The following DCDC1 variants were observed in gnomAD, a reference collection of about 807,000 sequenced individuals.
The protein encoded by DCDC1 is doublecortin domain-containing protein 1.
Under a neutral mutation model 178.3 loss-of-function variants are expected in DCDC1, and 200 were observed. That is an observed-to-expected ratio of 1.12 (90% confidence interval 1.00 to 1.26). DCDC1 has a LOEUF of 1.26. Ranked by LOEUF, DCDC1 falls within the 50% of genes most tolerant of loss-of-function variation. DCDC1 has a pLI of 0.00. For synonymous variants in DCDC1, 690 were observed against 604.8 expected, an observed-to-expected ratio of 1.14 and a Z score of -2.07; for missense variants, 1,983 against 1,749.2, an observed-to-expected ratio of 1.13 and a Z score of -2.38.
At chr11:31,304,018 T>C (rs1009194354) in intron 6 of DCDC1, among the ~76,000 whole-genome samples, 1 of 152,136 alleles carries the variant, frequency 6.6e-6, no homozygotes, top group Non-Finnish European at 1.5e-5. Flanking sequence ...CATGTCACAG[T>C]GAAACACAGC....
intron 20 of DCDC1, among the ~76,000 whole-genome samples, chr11:31,027,403 C>T (rs1044219611): frequency 6.6e-6 from 1 of 151,748 alleles, no homozygotes; most frequent in Non-Finnish European, 1.5e-5. Context: ...TTTTCTAAGT[C>T]GGCAGATAGT....
chr11:31,313,625 CA>C (rs1344124468), intron 3 of DCDC1, among the ~76,000 whole-genome samples: 2 of 152,148 alleles, frequency 1.3e-5, no homozygotes, highest in African/African-American at 4.8e-5. Context: ...TTCTAAAATT[CA>C]GTAAGTTGTA....
At chr11:30,902,912 C>T (rs746645769) in intron 32 of DCDC1, among the ~76,000 whole-genome samples, 1 of 152,164 alleles carries the variant, frequency 6.6e-6, no homozygotes, top group Non-Finnish European at 1.5e-5. Flanking sequence ...ATAAGACACA[C>T]AGCTATAAAC....
intron 27 of DCDC1, among the ~76,000 whole-genome samples, chr11:30,914,816 A>G (rs546869962): frequency 6.6e-6 from 1 of 152,292 alleles, no homozygotes; most frequent in East Asian, 1.9e-4. Context: ...TGTAAATACT[A>G]CAATGTTTCC....
rs1000031333 is a variant in DCDC1, at chr11:31,041,143, T to A, written c.2591+23326A>T. ...TGTGTTGTGCACTGTTCCATGCTCT[T>A]AGGGACAGGAGTGAAAGATCTGGGA... is the stretch of plus-strand genomic sequence containing the variant. On this transcript the variant is annotated intron_variant, in intron 20 of 38. Coordinates refer to ENST00000684477, the MANE Select transcript of DCDC1 (RefSeq NM_001387274.1). Among the ~76,000 whole-genome samples the A allele has an allele frequency of 2.6e-5, 4 of 152,198 alleles. No individual in the cohort carries two copies. In the East Asian group the frequency reaches 7.7e-4, roughly 29 times the overall value.
chr11:31,296,855 G>GA (rs1401998312), intron 6 of DCDC1, among the ~76,000 whole-genome samples: 1 of 151,596 alleles, frequency 6.6e-6, no homozygotes, highest in Non-Finnish European at 1.5e-5. Flanking sequence ...AACAGCATGG[G>GA]GGGGACCACC....
intron 11 of DCDC1, among the ~76,000 whole-genome samples, chr11:31,114,584 G>C (rs750421911): frequency 3.4e-4 from 52 of 152,130 alleles, no homozygotes; most frequent in Non-Finnish European, 6.0e-4. Context: ...CAGACAACAG[G>C]GAGAAGAGTA....
At chr11:31,159,609 A>C (rs1966106535) in intron 9 of DCDC1, among the ~76,000 whole-genome samples, 1 of 152,252 alleles carries the variant, frequency 6.6e-6, no homozygotes, top group African/African-American at 2.4e-5. Context: ...TGCAGGCAGT[A>C]AGTGTGAGCC....
chr11:31,111,811 T>G (rs1959180886), intron 11 of DCDC1, among the ~76,000 whole-genome samples: 1 of 152,172 alleles, frequency 6.6e-6, no homozygotes. Flanking sequence ...GAGAACTTAT[T>G]GATGTTCCTT....
At chr11:31,262,051 A>G (rs1944825752) in intron 8 of DCDC1, among the ~76,000 whole-genome samples, 1 of 152,054 alleles carries the variant, frequency 6.6e-6, no homozygotes, top group Non-Finnish European at 1.5e-5. Context: ...GATTGCTTGA[A>G]CACAGAAGTT....
intron 1 of DCDC1, among the ~76,000 whole-genome samples, chr11:31,352,941 T>A (rs1166526759): frequency 2.0e-5 from 3 of 152,238 alleles, no homozygotes; most frequent in Admixed American, 6.5e-5. Context: ...GACTATTTTA[T>A]TGACATTGTG....
At chr11:30,874,361 C>G (rs1941924136) in intron 38 of DCDC1, among the ~76,000 whole-genome samples, 1 of 152,164 alleles carries the variant, frequency 6.6e-6, no homozygotes, top group Admixed American at 6.6e-5. Flanking sequence ...TGTGCACACT[C>G]AAATTTGAGA....
At chr11:31,274,301 T>G (rs973687345) in intron 7 of DCDC1, among the ~76,000 whole-genome samples, 1 of 152,152 alleles carries the variant, frequency 6.6e-6, no homozygotes, top group Non-Finnish European at 1.5e-5. Context: ...ATTCATCAAT[T>G]CAAAATATTA....
intron 38 of DCDC1, among the ~76,000 whole-genome samples, chr11:30,872,633 C>G (rs542468138): frequency 6.6e-6 from 1 of 152,232 alleles, no homozygotes; most frequent in East Asian, 1.9e-4. Flanking sequence ...TCACCTCTGC[C>G]TGGTACTCCG....
chr11:31,145,970 A>G (rs188102419), intron 9 of DCDC1, among the ~76,000 whole-genome samples: 3 of 152,264 alleles, frequency 2.0e-5, no homozygotes, highest in Admixed American at 6.5e-5. Flanking sequence ...TAAATGACTG[A>G]GTTAGACACT....
chr11:31,172,573 G>GC (rs1347746932), intron 9 of DCDC1, among the ~76,000 whole-genome samples: 2 of 152,196 alleles, frequency 1.3e-5, no homozygotes, highest in East Asian at 1.9e-4. Flanking sequence ...TTTAGTAACA[G>GC]CCTACTCTTG....
intron 20 of DCDC1, among the ~76,000 whole-genome samples, chr11:30,982,393 C>T (rs923077796): frequency 1.3e-5 from 2 of 152,296 alleles, no homozygotes; most frequent in African/African-American, 4.8e-5. Flanking sequence ...CATAACATTG[C>T]TTCCTTTTTC....
At chr11:31,195,097 G>A (rs1169768584) in intron 9 of DCDC1, among the ~76,000 whole-genome samples, 1 of 152,076 alleles carries the variant, frequency 6.6e-6, no homozygotes, top group Admixed American at 6.6e-5. Flanking sequence ...CTAGCCAGGT[G>A]TTTAGAAGAG....
intron 9 of DCDC1, among the ~76,000 whole-genome samples, chr11:31,216,028 T>C (rs1013749777): frequency 6.6e-6 from 1 of 152,098 alleles, no homozygotes; most frequent in Non-Finnish European, 1.5e-5. Flanking sequence ...CTCTTCCCTT[T>C]AGAGCAATTA....
Sources: gnomAD v4.1 joint callset for allele counts (sites outside exome capture counted in the v4.1 genomes callset) on GRCh38, gnomAD v4.1.1 for gene constraint, MANE v1.5 for transcripts, NCBI Gene and HGNC (gene_info 2026-07-23, HGNC 2026-07-21) for gene names.